Variants in ZNF254 observed in about 807,000 individuals in gnomAD.
The protein encoded by ZNF254 is zinc finger protein 254.
In ZNF254, 10 loss-of-function variants were observed where a neutral mutation model predicts 12.4. That is an observed-to-expected ratio of 0.80 (90% CI 0.50 to 1.36). The LOEUF is 1.36. Among genes scored for constraint, ZNF254 ranks in the 40% most tolerant of loss-of-function variants. ZNF254 has a pLI of 0.00. For synonymous variants in ZNF254, 305 were observed against 253.4 expected, an observed-to-expected ratio of 1.20 and a Z score of -1.93; for missense variants, 996 against 763.9, an observed-to-expected ratio of 1.30 and a Z score of -3.58.
At chr19:24,064,382 C>CA (rs1971191564) in intron 2 of ZNF254, among the ~76,000 whole-genome samples, 1 of 152,058 alleles carries the variant, frequency 6.6e-6, no homozygotes, top group Non-Finnish European at 1.5e-5. Flanking sequence ...TACTGCTGGA[C>CA]CAACATGCTA....
chr19:24,044,462 C>T (rs1292155595), intron 1 of ZNF254, among the ~76,000 whole-genome samples: 1 of 151,442 alleles, frequency 6.6e-6, no homozygotes, highest in Non-Finnish European at 1.5e-5. Flanking sequence ...GGCATGAACC[C>T]GGGAGGCAGA....
rs200785291 is a variant in ZNF254, at chr19:24,049,230, T to A, written c.-94+2951T>A. 3.8e-3 allele frequency among the ~76,000 whole-genome samples: 466 copies of A among 121,126 alleles called. 15 individuals carry two copies. Among genetic ancestry groups the A allele is most frequent in the African/African-American group, 0.013 (421 of 31,262 alleles). The allele number at this position is 121,126 out of a possible 152,430, so 79.5% of individuals were successfully genotyped here. A position where few individuals can be genotyped will look rare whatever the true frequency, so the allele number is the denominator to read the frequency against. On this transcript the variant is annotated intron_variant, in intron 2 of 4. Transcript: ENST00000613065. ...TATATATATATTTTTTTTTTTTTTT[T>A]AATTTATTTATTATTTTTTAATATA...
chr19:24,118,869 TG>T (rs1568469576), intron 3 of ZNF254, among the ~76,000 whole-genome samples: 1 of 152,156 alleles, frequency 6.6e-6, no homozygotes, highest in Non-Finnish European at 1.5e-5. Flanking sequence ...CCTAGCACTT[TG>T]GGGGGCTGAG....
At chr19:24,048,478 T>C (rs62113752) in intron 2 of ZNF254, among the ~76,000 whole-genome samples, 24,207 of 152,166 alleles carry the variant, frequency 0.16, 2,083 homozygotes, top group Middle Eastern at 0.23. Context: ...GACCAGATGG[T>C]TCTCGCCAGT....
intron 2 of ZNF254, among the ~76,000 whole-genome samples, chr19:24,081,831 G>T (rs970535192): frequency 6.6e-5 from 10 of 152,156 alleles, no homozygotes; most frequent in Non-Finnish European, 1.2e-4. Flanking sequence ...ACTACTAAAA[G>T]AAATAATTCC....
intron 2 of ZNF254, chr19:24,046,373 TTATATATATATATATA>T (rs34508258): frequency 1.0e-5 from 1 of 95,508 alleles, no homozygotes; most frequent in Non-Finnish European, 2.1e-5. Context: ...TTATTATTTT[TTATATATATATATATA>T]TATATATATA....
At chr19:24,124,225 C>A (rs373870485) in intron 3 of ZNF254, among the ~76,000 whole-genome samples, 2 of 151,690 alleles carry the variant, frequency 1.3e-5, no homozygotes, top group Non-Finnish European at 2.9e-5. Flanking sequence ...ACTTAAGTTG[C>A]GTACAAAAAT....
intron 1 of ZNF254, among the ~76,000 whole-genome samples, chr19:24,034,590 C>A (rs1028114675): frequency 6.7e-6 from 1 of 148,156 alleles, no homozygotes; most frequent in Non-Finnish European, 1.5e-5. Context: ...CTCTGTCTCC[C>A]AGATTCAAGC....
chr19:24,113,006 C>G (rs77477753), intron 3 of ZNF254, among the ~76,000 whole-genome samples: 1 of 152,052 alleles, frequency 6.6e-6, no homozygotes, highest in Non-Finnish European at 1.5e-5. Flanking sequence ...CTGAAGAGAC[C>G]AATAAAAGGA....
chr19:24,109,895 A>AT (rs748822710), intron 3 of ZNF254, among the ~76,000 whole-genome samples: 2,970 of 124,624 alleles, frequency 0.024, 85 homozygotes, highest in African/African-American at 0.07. Flanking sequence ...CTAATTTTGT[A>AT]TTTTTTTTTT....
At chr19:24,119,962 A>C (rs1372889663) in intron 3 of ZNF254, among the ~76,000 whole-genome samples, 1 of 152,034 alleles carries the variant, frequency 6.6e-6, no homozygotes. Flanking sequence ...CTTTCTATAA[A>C]TATTATCTTC....
At chr19:24,071,153 C>T (rs1971465767) in intron 2 of ZNF254, among the ~76,000 whole-genome samples, 1 of 152,076 alleles carries the variant, frequency 6.6e-6, no homozygotes, top group Admixed American at 6.5e-5. Flanking sequence ...AGAGAAGGCC[C>T]CCTACTCTCG....
At chr19:24,119,696 G>C (rs1447928210) in intron 3 of ZNF254, among the ~76,000 whole-genome samples, 2 of 152,006 alleles carry the variant, frequency 1.3e-5, no homozygotes, top group East Asian at 3.9e-4. Context: ...TTGCCGCATT[G>C]CTGAGGTTGG....
At chr19:24,073,188 T>A (rs550363084) in intron 2 of ZNF254, among the ~76,000 whole-genome samples, 1 of 152,348 alleles carries the variant, frequency 6.6e-6, no homozygotes, top group South Asian at 2.1e-4. Flanking sequence ...ATGTTAGCAT[T>A]GTCACCCTGA....
At chr19:24,048,149 C>G (rs1301753037) in intron 2 of ZNF254, among the ~76,000 whole-genome samples, 2 of 151,760 alleles carry the variant, frequency 1.3e-5, no homozygotes, top group African/African-American at 4.8e-5. Flanking sequence ...GCTTCCTGGT[C>G]ACACCATCAG....
intron 3 of ZNF254, among the ~76,000 whole-genome samples, chr19:24,114,167 G>GA (rs1379807388): frequency 1.3e-5 from 2 of 152,020 alleles, no homozygotes; most frequent in Non-Finnish European, 2.9e-5. Context: ...CAGAGAATTG[G>GA]AAAAAACTAC....
intron 1 of ZNF254, among the ~76,000 whole-genome samples, chr19:24,094,177 A>G (rs1392315576): frequency 6.6e-6 from 1 of 152,038 alleles, no homozygotes; most frequent in Non-Finnish European, 1.5e-5. Context: ...TATGAAGACT[A>G]TATGGTTTTC....
At chr19:24,120,665 T>G (rs1599758460) in intron 3 of ZNF254, among the ~76,000 whole-genome samples, 1 of 151,926 alleles carries the variant, frequency 6.6e-6, no homozygotes, top group South Asian at 2.1e-4. Flanking sequence ...TTGTTGTTGT[T>G]GTTGTTGTTG....
At chr19:24,037,544 C>T (rs1970011395) in intron 1 of ZNF254, among the ~76,000 whole-genome samples, 1 of 152,188 alleles carries the variant, frequency 6.6e-6, no homozygotes, top group Non-Finnish European at 1.5e-5. Flanking sequence ...AGCAGTTCTC[C>T]TGCCTTATCC....
Sources: allele counts gnomAD v4.1 joint callset (sites outside exome capture counted in the v4.1 genomes callset), GRCh38; gene constraint gnomAD v4.1.1; transcripts MANE v1.5; gene names NCBI Gene and HGNC (gene_info 2026-07-23, HGNC 2026-07-21).